IVNS1ABP: variants seen among roughly 807,000 people sequenced by gnomAD.
IVNS1ABP encodes the protein influenza virus NS1A-binding protein.
In IVNS1ABP, 25 loss-of-function variants were observed where a neutral mutation model predicts 78.9. That is an observed-to-expected ratio of 0.32 (90% CI 0.23 to 0.44). The LOEUF (loss-of-function observed/expected upper bound fraction) is 0.44, where lower values mean the gene tolerates loss of function less well. IVNS1ABP is among the 20% of genes least tolerant of loss of function. The pLI is 1.00. For synonymous variants in IVNS1ABP, 241 were observed against 259.7 expected (o/e 0.93, Z 0.69); for missense variants, 494 against 768.9 (o/e 0.64, Z 4.23).
intron 14 of IVNS1ABP, chr1:185,299,436 T>G (rs901700505): frequency 1.8e-5 from 8 of 439,922 alleles, no homozygotes; most frequent in Non-Finnish European, 3.3e-5. Flanking sequence ...GATGATGCAT[T>G]AAGGATATGT....
At chr1:185,314,601 G>C (rs1025550360) in intron 1 of IVNS1ABP, among the ~76,000 whole-genome samples, 2 of 152,170 alleles carry the variant, frequency 1.3e-5, no homozygotes, top group African/African-American at 4.8e-5. Context: ...GTAGGTGAAG[G>C]ATTTAAACAA....
At position 185,299,675 on chromosome 1, in the gene IVNS1ABP, A is replaced by G. The variant is rs537926601; in HGVS notation, c.1675+35T>C. Reference sequence around the variant, plus strand: ...AGTTTTAGAACAAAGTCTTGCCACTATCTACTCTTCACCTCTCCAAATCCC... The same window carrying G: ...AGTTTTAGAACAAAGTCTTGCCACTGTCTACTCTTCACCTCTCCAAATCCC... On this transcript the variant is annotated intron_variant, in intron 14 of 14. Transcript: ENST00000367498. The G allele has an allele frequency of 2.9e-5, 46 of 1,603,302 alleles. No homozygotes were observed. The Admixed American group carries it at 7.3e-4, about 26-fold the overall frequency.
chr1:185,310,174 T>C (rs943503558), intron 2 of IVNS1ABP, among the ~76,000 whole-genome samples: 3 of 152,246 alleles, frequency 2.0e-5, no homozygotes, highest in Non-Finnish European at 4.4e-5. Context: ...GATGAACTTA[T>C]ATTCTGTTCC....
Position 185,317,158 on chromosome 1 carries a change from C to G in IVNS1ABP, c.-452G>C, listed in dbSNP as rs1027683037. ...AACTCGCGGGAACTCGCTCGCTCGC[C>G]GATACAGCCGCGCCGAAGCAGCAGG... On this transcript the variant is annotated 5_prime_UTR_variant, in exon 1 of 15. Transcript: ENST00000367498. 6 of 398,336 alleles carry G rather than the reference C, an allele frequency of 1.5e-5. No individual in the cohort carries two copies. Among genetic ancestry groups the G allele is most frequent in the Non-Finnish European group, 2.2e-5 (5 of 226,068 alleles). 24.7% of individuals were successfully genotyped at this position (398,336 alleles called of 1,614,324 possible).
rs1412823769 is a variant in IVNS1ABP at position 185,296,559 on chromosome 1, T to G, written c.*1476A>C. 1 of 152,144 alleles carries G rather than the reference T, an allele frequency of 6.6e-6. No individual in the cohort carries two copies. Among genetic ancestry groups the G allele is most frequent in the Non-Finnish European group, 1.5e-5 (1 of 68,008 alleles). The allele number at this position is 152,144 out of a possible 1,614,324, so 9.4% of individuals were successfully genotyped here. ...ATTACAGAGTTACCAACCAAACTGA[T>G]TTGCTTTCCTGGTGGTTCTTTGTGT... On this transcript the variant is annotated 3_prime_UTR_variant, in exon 15 of 15. Transcript: ENST00000367498.
At chr1:185,308,674 A>G in intron 5 of IVNS1ABP, 126 bp downstream of exon 5, 1 of 699,556 alleles carries the variant, frequency 1.4e-6, no homozygotes, top group Non-Finnish European at 2.5e-6. Flanking sequence ...CATATTGACT[A>G]CTCTGAGGGA....
At chr1:185,316,413 G>A (rs545175615) in intron 1 of IVNS1ABP, among the ~76,000 whole-genome samples, 71 of 152,300 alleles carry the variant, frequency 4.7e-4, no homozygotes, top group African/African-American at 1.7e-3. Flanking sequence ...ACGGCGATCG[G>A]GGACTCCGTG....
Position 185,300,783 on chromosome 1 carries a change from A to G in IVNS1ABP, c.1120+189T>C, listed in dbSNP as rs563630816. The stretch of plus-strand genomic sequence containing the variant: ...GCTTGAATATTAGAAAAATTTAGCC[A>G]TGACATAATTTTTTTAAAAATTAGA... On this transcript the variant is annotated intron_variant, in intron 10 of 14. Coordinates refer to ENST00000367498, the MANE Select transcript of IVNS1ABP (RefSeq NM_006469.5). 3.0e-5 allele frequency: 21 copies of G among 697,238 alleles called. No homozygotes were observed. The East Asian group carries it at 5.2e-4, about 17-fold the overall frequency. The allele number at this position is 697,238 out of a possible 1,614,324, so 43.2% of individuals were successfully genotyped here. A position where few individuals can be genotyped will look rare whatever the true frequency, so the allele number is the denominator to read the frequency against.
In IVNS1ABP at chr1:185,305,789, G is replaced by A; in HGVS notation, c.658-146C>T. ...TACTCTGGCAGGATCCGGAGGTAAA[G>A]AAAAATACATGTCATGGTGGTAAAA... On this transcript the variant is annotated intron_variant, in intron 7 of 14. Transcript: ENST00000367498. The surrounding 1 kb of genome is among the most constrained non-coding windows in gnomAD (Gnocchi z 4.0). The A allele has an allele frequency of 1.3e-6, 1 of 788,418 alleles. No individual in the cohort carries two copies. The highest frequency in any genetic ancestry group is 2.9e-5 in the South Asian group (1 of 34,744). The allele number at this position is 788,418 out of a possible 1,614,324, so 48.8% of individuals were successfully genotyped here.
rs1005568579 is a variant in IVNS1ABP, at chr1:185,305,416, C to T, written c.765+120G>A. The T allele has an allele frequency of 4.9e-6, 5 of 1,012,774 alleles. No individual in the cohort carries two copies. The highest frequency in any genetic ancestry group is 5.3e-5 in the Admixed American group (2 of 37,398). 62.7% of individuals were successfully genotyped at this position (1,012,774 alleles called of 1,614,324 possible). ...TGCTTGTTTTCTCCCAAAAATGTTT[C>T]TGTCCAGTTATACCAATGAAATTGG... On this transcript the variant is annotated intron_variant, in intron 8 of 14. Coordinates refer to ENST00000367498, the MANE Select transcript of IVNS1ABP (RefSeq NM_006469.5). The surrounding 1 kb of genome is among the most constrained non-coding windows in gnomAD (Gnocchi z 4.0).
chr1:185,306,355 T>TCGGTGG, intron 7 of IVNS1ABP: 1 of 723,044 alleles, frequency 1.4e-6, no homozygotes, highest in South Asian at 1.8e-5. Flanking sequence ...TTCCCACCAT[T>TCGGTGG]TCTCCATCAA....
At chr1:185,313,205 A>C (rs766315643) in intron 1 of IVNS1ABP, among the ~76,000 whole-genome samples, 1 of 152,224 alleles carries the variant, frequency 6.6e-6, no homozygotes, top group African/African-American at 2.4e-5. Flanking sequence ...GGCAATTTGC[A>C]TCAGACAAAT....
intron 1 of IVNS1ABP, among the ~76,000 whole-genome samples, chr1:185,314,826 A>C (rs1344861773): frequency 1.3e-5 from 2 of 152,238 alleles, no homozygotes; most frequent in Admixed American, 1.3e-4. Context: ...CAAAAAGCAT[A>C]ACACAAAGTC....
chr1:185,303,763 CTG>C (rs1389929085), intron 8 of IVNS1ABP, among the ~76,000 whole-genome samples: 2 of 151,930 alleles, frequency 1.3e-5, no homozygotes, highest in African/African-American at 4.8e-5. Context: ...TATTGATTTT[CTG>C]TGTCTGGTTA....
At position 185,301,483 on chromosome 1, in the gene IVNS1ABP, T is replaced by C. The variant is rs1571740239; in HGVS notation, c.846A>G (p.Val282=). 1 of 1,613,294 alleles carries C rather than the reference T, an allele frequency of 6.2e-7. No homozygotes were observed. Among genetic ancestry groups the C allele is most frequent in the South Asian group, 1.1e-5 (1 of 91,072 alleles). Residue 282 remains valine (V), a synonymous_variant, in exon 9 of 15, where the codon GTA becomes GTG. Transcript: ENST00000367498. ...TGCLSSPNAT[V]QSPKHEWKIV... ...TTTTCCACTCATGCTTAGGGCTTTG[T>C]ACTGTAGCATTTGGAGAAGAGAGAC... is the stretch of plus-strand genomic sequence containing the variant.
chr1:185,297,842 A>G lies in IVNS1ABP; in HGVS notation c.*193T>C, dbSNP rs758598469. 6.6e-5 allele frequency: 37 copies of G among 563,410 alleles called. No individual in the cohort carries two copies. The highest frequency in any genetic ancestry group is 1.0e-4 in the Non-Finnish European group (33 of 322,778). 34.9% of individuals were successfully genotyped at this position (563,410 alleles called of 1,614,324 possible). On this transcript the variant is annotated 3_prime_UTR_variant, in exon 15 of 15. Coordinates refer to ENST00000367498, the MANE Select transcript of IVNS1ABP (RefSeq NM_006469.5). ...AAAGTCTTAAAAGTACACAAAACAG[A>G]CCTTCATCTTTGCATTCCTTTCCAA...
intron 1 of IVNS1ABP, among the ~76,000 whole-genome samples, chr1:185,314,334 G>A (rs1315656107): frequency 6.6e-6 from 1 of 152,100 alleles, no homozygotes; most frequent in Non-Finnish European, 1.5e-5. Context: ...AAACTGAAAT[G>A]GAATGCTCAT....
chr1:185,308,667 A>G (rs1012108601), intron 5 of IVNS1ABP, 133 bp downstream of exon 5: 1 of 679,304 alleles, frequency 1.5e-6, no homozygotes, highest in Non-Finnish European at 2.5e-6. Context: ...AAAATAACAT[A>G]TTGACTACTC....
intron 1 of IVNS1ABP, among the ~76,000 whole-genome samples, chr1:185,313,718 G>A (rs1665944004): frequency 6.6e-6 from 1 of 152,132 alleles, no homozygotes. Flanking sequence ...ACATCCCAGA[G>A]TCATATAAGA....
Sources: allele counts gnomAD v4.1 joint callset (sites outside exome capture counted in the v4.1 genomes callset), GRCh38; gene constraint gnomAD v4.1.1; non-coding constraint Gnocchi (gnomAD v3.1); transcripts MANE v1.5; gene names NCBI Gene and HGNC (gene_info 2026-07-23, HGNC 2026-07-21).